FRY: variants seen among roughly 807,000 people sequenced by gnomAD.
The protein encoded by FRY is protein furry homolog.
FRY carries 128 observed loss-of-function variants against 348.4 expected under a neutral mutation model. That is an observed-to-expected ratio of 0.37 (90% confidence interval 0.32 to 0.43). FRY has a LOEUF of 0.43. FRY is among the 20% of genes least tolerant of loss of function. The pLI is 1.00. For missense variants in FRY, 2,736 were observed against 3,695.2 expected (o/e 0.74, Z 6.73); for synonymous variants, 1,370 against 1,374.7 (o/e 1.00, Z 0.08).
At chr13:32,136,214 T>C (rs1879705251) in intron 10 of FRY, among the ~76,000 whole-genome samples, 1 of 152,226 alleles carries the variant, frequency 6.6e-6, no homozygotes, top group African/African-American at 2.4e-5. Flanking sequence ...GTATGATTTT[T>C]TTCGGTGGCT....
intron 16 of FRY, among the ~76,000 whole-genome samples, chr13:32,159,526 T>C (rs1426187217): frequency 6.6e-6 from 1 of 152,184 alleles, no homozygotes; most frequent in Non-Finnish European, 1.5e-5. Flanking sequence ...TTTTAACATC[T>C]GTTAATATAT....
At chr13:32,277,609 T>C (rs763025730) in intron 57 of FRY, among the ~76,000 whole-genome samples, 5 of 152,210 alleles carry the variant, frequency 3.3e-5, no homozygotes, top group Non-Finnish European at 7.3e-5. Context: ...AAATAATATC[T>C]GTAAACTGAC....
rs1484261704 is a variant in FRY at position 32,031,843 on chromosome 13, T to C, written c.48T>C (p.Tyr16=). ...DSGFFEISIK[Y]LLKSWSNTSP... is the part of the protein sequence containing the mutation. ...GCTTCTTTGAGATCAGTATCAAATA[T>C]TTACTGAAATCCTGGAGTAATAGTG... The change falls in exon 1 of 61, where the codon TAT becomes TAC. Residue 16 remains tyrosine (Y), a synonymous_variant. Coordinates refer to ENST00000542859, the MANE Select transcript of FRY (RefSeq NM_023037.3). 1.3e-6 allele frequency: 2 copies of C among 1,589,978 alleles called. No individual in the cohort carries two copies. The highest frequency in any genetic ancestry group is 8.6e-7 in the Non-Finnish European group (1 of 1,159,264).
At chr13:32,096,568 A>G (rs1463173036) in intron 2 of FRY, among the ~76,000 whole-genome samples, 1 of 152,134 alleles carries the variant, frequency 6.6e-6, no homozygotes, top group Non-Finnish European at 1.5e-5. Context: ...AGGTGGGCGG[A>G]TCACCTGCGG....
rs1168555315 is a variant in FRY, at chr13:32,228,446, C to A, written c.5207-10C>A. On this transcript the variant is annotated splice_polypyrimidine_tract_variant and intron_variant, in intron 39 of 60. Coordinates refer to ENST00000542859, the MANE Select transcript of FRY (RefSeq NM_023037.3). ...TAGTACATCCCTCCTTGACCTTCTT[C>A]TCCCACCAGGTGGCTTTGACTTCCT... The A allele has an allele frequency of 6.2e-7, 1 of 1,609,248 alleles. No individual in the cohort carries two copies. Among genetic ancestry groups the A allele is most frequent in the African/African-American group, 1.3e-5 (1 of 74,930 alleles).
At chr13:32,056,384 T>C (rs1277217836) in intron 1 of FRY, among the ~76,000 whole-genome samples, 3 of 152,172 alleles carry the variant, frequency 2.0e-5, no homozygotes, top group East Asian at 3.9e-4. Flanking sequence ...AGTATTTTCC[T>C]AGTGGCCCTC....
chr13:32,084,643 C>T (rs989177176), intron 2 of FRY, among the ~76,000 whole-genome samples: 10 of 152,162 alleles, frequency 6.6e-5, no homozygotes, highest in Non-Finnish European at 1.0e-4. Flanking sequence ...ACTATTCTGT[C>T]CTCATTGAAT....
chr13:32,237,200 A>AT lies in FRY; in HGVS notation c.5811-178dup, dbSNP rs1886269348. On this transcript the variant is annotated intron_variant, in intron 43 of 60. Coordinates refer to ENST00000542859, the MANE Select transcript of FRY (RefSeq NM_023037.3). The surrounding 1 kb of genome is among the most constrained non-coding windows in gnomAD (Gnocchi z 6.3). ...CAGTATTGGGCTTTTTGTTTTGTTG[A>AT]TGAGGGTTTCTCTTGTTTTGTTTTT... is the stretch of plus-strand genomic sequence containing the variant. 6.6e-6 allele frequency among the ~76,000 whole-genome samples: 1 copy of AT among 152,088 alleles called. No homozygotes were observed. The highest frequency in any genetic ancestry group is 1.5e-5 in the Non-Finnish European group (1 of 68,006).
chr13:32,150,150 C>T (rs1372915562), intron 14 of FRY, among the ~76,000 whole-genome samples: 1 of 152,140 alleles, frequency 6.6e-6, no homozygotes, highest in Non-Finnish European at 1.5e-5. Flanking sequence ...AGTGCTTTTA[C>T]TTGTAACTGT....
chr13:32,178,907 G>C lies in FRY; in HGVS notation c.2745G>C (p.Trp915Cys). 1 of 1,613,678 alleles carries C rather than the reference G, an allele frequency of 6.2e-7. No individual in the cohort carries two copies. Among genetic ancestry groups the C allele is most frequent in the Non-Finnish European group, 8.5e-7 (1 of 1,179,590 alleles). ...GCGGAGACAACTATGTTACTTTGTG[G>C]AGAAATTACCTAATTCTTTGTTTTG... ...AGSGDNYVTL[W>C]RNYLILCFGV... Residue 915 changes from tryptophan (W) to cysteine (C), a missense_variant, in exon 22 of 61, where the codon TGG becomes TGC. Transcript: ENST00000542859.
Position 32,202,148 on chromosome 13 carries a change from G to A in FRY, c.3846+108G>A, listed in dbSNP as rs1052498194. 149 of 836,708 alleles carry A rather than the reference G, an allele frequency of 1.8e-4. No homozygotes were observed. In the East Asian group the frequency reaches 3.6e-3, roughly 20 times the overall value. 51.8% of individuals were successfully genotyped at this position (836,708 alleles called of 1,614,324 possible). On this transcript the variant is annotated intron_variant, in intron 30 of 60. Coordinates refer to ENST00000542859, the MANE Select transcript of FRY (RefSeq NM_023037.3). Reference sequence around the variant, plus strand: ...TATTGATAGGCCTTTGTTTATTTCTGCATATCATTTGTGGCTATGAAGAGT... The same window carrying A: ...TATTGATAGGCCTTTGTTTATTTCTACATATCATTTGTGGCTATGAAGAGT...
chr13:32,214,083 A>C (rs1239021604), intron 35 of FRY, among the ~76,000 whole-genome samples: 1 of 152,246 alleles, frequency 6.6e-6, no homozygotes, highest in Non-Finnish European at 1.5e-5. Context: ...TATGTCTATG[A>C]ATATGCTCTC....
intron 53 of FRY, 31 bp from the exon 54 acceptor site, chr13:32,265,419 G>A: frequency 1.9e-6 from 3 of 1,609,542 alleles, no homozygotes; most frequent in Non-Finnish European, 1.7e-6. Context: ...CTTACACATT[G>A]GGGGATTCTT....
chr13:32,259,487 C>T (rs1887516931), intron 51 of FRY, among the ~76,000 whole-genome samples: 1 of 152,198 alleles, frequency 6.6e-6, no homozygotes, highest in South Asian at 2.1e-4. Context: ...GTGACCTGTG[C>T]CTGGTATAGC....
At chr13:32,263,441 A>G (rs1887771616) in intron 53 of FRY, among the ~76,000 whole-genome samples, 1 of 152,222 alleles carries the variant, frequency 6.6e-6, no homozygotes, top group Non-Finnish European at 1.5e-5. Flanking sequence ...ATTGAAGCTT[A>G]AATAGTAATT....
chr13:32,233,968 A>C (rs2138442313), intron 41 of FRY, among the ~76,000 whole-genome samples: 1 of 152,198 alleles, frequency 6.6e-6, no homozygotes, highest in East Asian at 1.9e-4. Flanking sequence ...ATACCTCCCT[A>C]AGATTTATTC....
At chr13:32,213,016 A>T (rs1884772573) in intron 35 of FRY, among the ~76,000 whole-genome samples, 1 of 152,036 alleles carries the variant, frequency 6.6e-6, no homozygotes, top group South Asian at 2.1e-4. Flanking sequence ...GAAAAACAAA[A>T]CTCAATTTAA....
At chr13:32,104,409 C>G (rs150147217) in intron 3 of FRY, among the ~76,000 whole-genome samples, 1 of 152,286 alleles carries the variant, frequency 6.6e-6, no homozygotes, top group East Asian at 1.9e-4. Flanking sequence ...GCATCCGCCA[C>G]CTAACAAAAC....
intron 11 of FRY, among the ~76,000 whole-genome samples, chr13:32,145,593 G>A (rs1339129815): frequency 1.4e-5 from 2 of 143,278 alleles, no homozygotes; most frequent in Non-Finnish European, 3.0e-5. Context: ...GCCGGACTGC[G>A]GACTGCAGTG....
Sources: allele counts gnomAD v4.1 joint callset (sites outside exome capture counted in the v4.1 genomes callset), GRCh38; gene constraint gnomAD v4.1.1; non-coding constraint Gnocchi (gnomAD v3.1); transcripts MANE v1.5; gene names NCBI Gene and HGNC (gene_info 2026-07-23, HGNC 2026-07-21).